Variants in RTRAF observed in about 807,000 individuals in gnomAD.
RTRAF encodes the protein RNA transcription, translation and transport factor, also known as tRNA-splicing ligase complex subunit RTRAF.
In RTRAF, 14 loss-of-function variants were observed where a neutral mutation model predicts 34.4. That is an observed-to-expected ratio of 0.41 (90% CI 0.27 to 0.64). The LOEUF (loss-of-function observed/expected upper bound fraction) is 0.64. Among genes scored for constraint, RTRAF ranks in the 30% least tolerant of loss-of-function variants. The pLI, the probability that RTRAF is intolerant of heterozygous loss-of-function variation, is 0.34. For missense variants in RTRAF, 291 were observed against 288.4 expected, an observed-to-expected ratio of 1.01 and a Z score of -0.06; for synonymous variants, 96 against 95.3, an observed-to-expected ratio of 1.01 and a Z score of -0.04.
intron 2 of RTRAF, 63 bp downstream of exon 2, chr14:51,991,504 C>T (rs938599204): frequency 2.3e-5 from 35 of 1,490,524 alleles, no homozygotes; most frequent in Non-Finnish European, 3.1e-5. Flanking sequence ...TGAAGATGAG[C>T]TTAAAATTAC....
chr14:52,004,482 A>C lies in RTRAF; in HGVS notation c.701A>C (p.Lys234Thr). 3 of 1,613,796 alleles carry C rather than the reference A, an allele frequency of 1.9e-6. No individual in the cohort carries two copies. The highest frequency in any genetic ancestry group is 2.5e-6 in the Non-Finnish European group (3 of 1,179,864). ...VAVQAIIADPKTDHRLGKVGR is the reference protein window; with the variant it reads ...VAVQAIIADPTTDHRLGKVGR ...GTTCAGGCAATTATTGCTGATCCAA[A>C]GACAGACCACAGACTGGGAAAAGTT... The change falls in exon 8 of 8, where the codon AAG (lysine) becomes ACG (threonine). Residue 234 changes from lysine to threonine, a missense_variant. By Grantham distance (78) the Lys-to-Thr change is moderately conservative (BLOSUM62 -1). Transcript: ENST00000261700.
In RTRAF at chr14:52,005,479, A is replaced by ACTGTACTTACTTTCTTCCTGTGAG. The variant is rs1555361348; in HGVS notation, c.*964_*987dup. On this transcript the variant is annotated 3_prime_UTR_variant, in exon 8 of 8. Transcript: ENST00000261700. ...TAAACTCCAAGTCTTCCTTTACATT[A>ACTGTACTTACTTTCTTCCTGTGAG]CTGTACTTACTTTCTTCCTGTGAGA... 1.9e-6 allele frequency: 3 copies of ACTGTACTTACTTTCTTCCTGTGAG among 1,595,000 alleles called. No homozygotes were observed. The highest frequency in any genetic ancestry group is 2.6e-6 in the Non-Finnish European group (3 of 1,172,772).
intron 1 of RTRAF, 66 bp downstream of exon 1, chr14:51,989,766 C>T: frequency 1.4e-6 from 2 of 1,470,698 alleles, no homozygotes; most frequent in Admixed American, 2.0e-5. Context: ...CCTCAGTGCC[C>T]GCACCCCACC....
intron 6 of RTRAF, among the ~76,000 whole-genome samples, chr14:52,002,689 C>G (rs1890618941): frequency 6.6e-6 from 1 of 152,198 alleles, no homozygotes; most frequent in Non-Finnish European, 1.5e-5. Flanking sequence ...GCAGCAGTGT[C>G]TGATAACACC....
intron 5 of RTRAF, among the ~76,000 whole-genome samples, chr14:52,001,549 G>C (rs533107193): frequency 6.6e-6 from 1 of 152,084 alleles, no homozygotes; most frequent in Admixed American, 6.6e-5. Context: ...TACCAGTCAC[G>C]TGCATTACCT....
rs2140340465 is a variant in RTRAF, at chr14:52,007,855, A to C, written c.*3339A>C. On this transcript the variant is annotated 3_prime_UTR_variant, in exon 8 of 8. Transcript: ENST00000261700. The stretch of plus-strand genomic sequence containing the variant: ...AGTTTAGAGAAAGGGTCAAAGGTTA[A>C]GCCATTGGGCAATCCAATGTCTGTA... 6.2e-7 allele frequency: 1 copy of C among 1,613,978 alleles called. No homozygotes were observed. The highest frequency in any genetic ancestry group is 2.2e-5 in the East Asian group (1 of 44,872).
intron 3 of RTRAF, among the ~76,000 whole-genome samples, chr14:51,997,425 G>A (rs11849398): frequency 0.18 from 26,891 of 151,612 alleles, 3,052 homozygotes; most frequent in East Asian, 0.51. Context: ...CTGTCATCAC[G>A]TATTTTGCTG....
Position 51,998,505 on chromosome 14 carries a change from A to C in RTRAF, c.298A>C (p.Lys100Gln). The C allele has an allele frequency of 6.4e-7, 1 of 1,553,988 alleles. No individual in the cohort carries two copies. Among genetic ancestry groups the C allele is most frequent in the Non-Finnish European group, 8.7e-7 (1 of 1,149,678 alleles). ...GCCTGTTTTTATAGCTGAAAAATAC[A>C]AGGATTTAGTACCTGATAATTCAAA... ...LEYGDNAEKY[K>Q]DLVPDNSKTA... The change falls in exon 4 of 8, where the codon AAG becomes CAG. Residue 100 changes from lysine (K) to glutamine (Q), a missense_variant. By Grantham distance (53) the Lys-to-Gln change is moderately conservative. Transcript: ENST00000261700.
chr14:52,005,453 GTAAACTCCAAGTCTTCC>G lies in RTRAF; in HGVS notation c.*939_*955del. The stretch of plus-strand genomic sequence containing the variant: ...GTTCTTTAGGGTCCAGGTTCTGATT[GTAAACTCCAAGTCTTCC>G]TTTACATTACTGTACTTACTTTCTT... On this transcript the variant is annotated 3_prime_UTR_variant, in exon 8 of 8. Coordinates refer to ENST00000261700, the MANE Select transcript of RTRAF (RefSeq NM_016039.3). 1 of 1,566,538 alleles carries G rather than the reference GTAAACTCCAAGTCTTCC, an allele frequency of 6.4e-7. No homozygotes were observed. Among genetic ancestry groups the G allele is most frequent in the African/African-American group, 1.4e-5 (1 of 73,072 alleles).
At chr14:51,992,965 G>C (rs1324229609) in intron 2 of RTRAF, among the ~76,000 whole-genome samples, 4 of 152,166 alleles carry the variant, frequency 2.6e-5, no homozygotes, top group Admixed American at 2.6e-4. Context: ...AGGAGGCGGA[G>C]GTTGCAGTGA....
chr14:51,989,728 G>A lies in RTRAF; in HGVS notation c.61+28G>A, dbSNP rs1347224524. The A allele has an allele frequency of 1.9e-6, 3 of 1,582,582 alleles. No homozygotes were observed. In the South Asian group the frequency reaches 3.5e-5, roughly 18 times the overall value. Reference sequence around the variant, plus strand: ...GAGGCGGCGGCCTCAGCCCGGCCGCGTGTCCCTGACCTGGGCGGAGGTCCC... The same window carrying A: ...GAGGCGGCGGCCTCAGCCCGGCCGCATGTCCCTGACCTGGGCGGAGGTCCC... On this transcript the variant is annotated intron_variant, in intron 1 of 7. Coordinates refer to ENST00000261700, the MANE Select transcript of RTRAF (RefSeq NM_016039.3).
chr14:51,993,649 A>C, intron 2 of RTRAF, 74 bp from the exon 3 acceptor site: 1 of 882,896 alleles, frequency 1.1e-6, no homozygotes, highest in South Asian at 1.5e-5. Context: ...GGTCTCTTTC[A>C]ACTCTCCCAT....
intron 4 of RTRAF, chr14:51,999,438 AACTC>A: frequency 6.7e-6 from 2 of 297,322 alleles, no homozygotes; most frequent in South Asian, 1.8e-4. Flanking sequence ...CATCCCACTG[AACTC>A]ATTGTAAGGT....
Position 52,007,709 on chromosome 14 carries a change from G to C in RTRAF, c.*3193G>C. ...CTTAAAAGTTTACAGACCAAAGAAA[G>C]GAGATCTAAGTGATGGGATTTCATT... On this transcript the variant is annotated 3_prime_UTR_variant, in exon 8 of 8. Coordinates refer to ENST00000261700, the MANE Select transcript of RTRAF (RefSeq NM_016039.3). The C allele has an allele frequency of 1.9e-6, 2 of 1,046,154 alleles. No homozygotes were observed. The highest frequency in any genetic ancestry group is 2.9e-6 in the Non-Finnish European group (2 of 694,512). The allele number at this position is 1,046,154 out of a possible 1,614,324, so 64.8% of individuals were successfully genotyped here.
rs879774646 is a variant in RTRAF at position 52,005,744 on chromosome 14, G to T, written c.*1228G>T. On this transcript the variant is annotated 3_prime_UTR_variant, in exon 8 of 8. Coordinates refer to ENST00000261700, the MANE Select transcript of RTRAF (RefSeq NM_016039.3). ...CTAAAGCATACTTTTTACCTGTTGG[G>T]CAGTAGGGGTAGACTGCAGTTATCC... The T allele has an allele frequency of 6.2e-6, 10 of 1,611,376 alleles. No individual in the cohort carries two copies. Among genetic ancestry groups the T allele is most frequent in the African/African-American group, 2.7e-5 (2 of 74,862 alleles).
chr14:52,008,070 C>G lies in RTRAF; in HGVS notation c.*3554C>G. ...TCTCCATCTCCTCATGTATTATAGCCTTAAGCAATCCCCTTGAGTTTGGGC... is the reference window on the plus strand; with the variant it reads ...TCTCCATCTCCTCATGTATTATAGCGTTAAGCAATCCCCTTGAGTTTGGGC... On this transcript the variant is annotated 3_prime_UTR_variant, in exon 8 of 8. Transcript: ENST00000261700. 2.2e-6 allele frequency: 2 copies of G among 890,306 alleles called. No homozygotes were observed. The allele number at this position is 890,306 out of a possible 1,614,324, so 55.2% of individuals were successfully genotyped here.
chr14:52,004,393 G>A lies in RTRAF; in HGVS notation c.612G>A (p.Leu204=). The change falls in exon 8 of 8, where the codon CTG becomes CTA. Residue 204 remains leucine, a synonymous_variant. Coordinates refer to ENST00000261700, the MANE Select transcript of RTRAF (RefSeq NM_016039.3). ...DAVLNEAAQI[L]RLLHIEELRE... Reference sequence around the variant, plus strand: ...TTCTTAATGAAGCTGCTCAAATTCTGCGATTGCTGCACATAGAGGAGCTCA... The same window carrying A: ...TTCTTAATGAAGCTGCTCAAATTCTACGATTGCTGCACATAGAGGAGCTCA... 6.2e-7 allele frequency: 1 copy of A among 1,613,718 alleles called. No homozygotes were observed. The highest frequency in any genetic ancestry group is 1.1e-5 in the South Asian group (1 of 91,000).
In RTRAF at chr14:52,007,133, TAAA is replaced by T. The variant is rs1299740428; in HGVS notation, c.*2620_*2622del. The T allele has an allele frequency of 1.9e-5, 3 of 155,012 alleles. No homozygotes were observed. The highest frequency in any genetic ancestry group is 4.3e-5 in the Non-Finnish European group (3 of 69,746). 9.6% of individuals were successfully genotyped at this position (155,012 alleles called of 1,614,324 possible). On this transcript the variant is annotated 3_prime_UTR_variant, in exon 8 of 8. Transcript: ENST00000261700. ...TATTTCAATGTAAAGGAATCAGTCT[TAAA>T]AATTTTTACAATAGCTAAACCATTC...
At chr14:51,995,093 C>T (rs1890498249) in intron 3 of RTRAF, among the ~76,000 whole-genome samples, 1 of 152,032 alleles carries the variant, frequency 6.6e-6, no homozygotes. Flanking sequence ...TTATTCGTCC[C>T]AGTAATTTGT....
Sources: gnomAD v4.1 joint callset for allele counts (sites outside exome capture counted in the v4.1 genomes callset) on GRCh38, gnomAD v4.1.1 for gene constraint, MANE v1.5 for transcripts, NCBI Gene and HGNC (gene_info 2026-07-23, HGNC 2026-07-21) for gene names.